CPLX2: variants seen among roughly 807,000 people sequenced by gnomAD.
CPLX2 encodes the protein complexin 2, also known as complexin-2.
CPLX2 carries 5 observed loss-of-function variants against 16.3 expected under a neutral mutation model. The ratio of observed to expected loss-of-function variants is 0.31; its 90% CI spans 0.16 to 0.64. The LOEUF (loss-of-function observed/expected upper bound fraction) is 0.64. CPLX2 is among the 30% of genes least tolerant of loss of function. The pLI is 0.79. For missense variants in CPLX2, 144 were observed against 181.4 expected, an observed-to-expected ratio of 0.79 and a Z score of 1.18; for synonymous variants, 89 against 73.2, an observed-to-expected ratio of 1.22 and a Z score of -1.10.
intron 1 of CPLX2, among the ~76,000 whole-genome samples, chr5:175,799,471 T>C (rs930905267): frequency 2.0e-5 from 3 of 150,154 alleles, no homozygotes; most frequent in Admixed American, 1.3e-4. Flanking sequence ...GAAATACCCT[T>C]CTTTGTTCTC....
intron 1 of CPLX2, among the ~76,000 whole-genome samples, chr5:175,800,059 A>G (rs1023988583): frequency 6.6e-6 from 1 of 152,188 alleles, no homozygotes; most frequent in African/African-American, 2.4e-5. Flanking sequence ...CCTAGCTCAC[A>G]GACCTCAGCT....
At chr5:175,807,777 G>A (rs12519956) in intron 1 of CPLX2, among the ~76,000 whole-genome samples, 24,336 of 152,166 alleles carry the variant, frequency 0.16, 2,307 homozygotes, top group Middle Eastern at 0.29. Context: ...CACTGGGCTC[G>A]GCCCCAAGAA....
At chr5:175,855,515 T>C (rs773792050) in intron 2 of CPLX2, among the ~76,000 whole-genome samples, 3 of 152,194 alleles carry the variant, frequency 2.0e-5, no homozygotes, top group Non-Finnish European at 2.9e-5. Context: ...AGGGTAGATC[T>C]CTGGATTTCA....
At chr5:175,829,045 G>T (rs1758676971) in intron 2 of CPLX2, among the ~76,000 whole-genome samples, 1 of 152,048 alleles carries the variant, frequency 6.6e-6, no homozygotes, top group Non-Finnish European at 1.5e-5. Flanking sequence ...CCCCATTATT[G>T]GCCCTCAATC....
chr5:175,806,789 C>G (rs1053381686), intron 1 of CPLX2, among the ~76,000 whole-genome samples: 1 of 151,990 alleles, frequency 6.6e-6, no homozygotes, highest in Non-Finnish European at 1.5e-5. Flanking sequence ...TGAGCCACTG[C>G]GACCAGCCTC....
At position 175,858,421 on chromosome 5, in the gene CPLX2, C is replaced by T. The variant is rs115963370; in HGVS notation, c.-88-20231C>T. Among the ~76,000 whole-genome samples the T allele has an allele frequency of 2.4e-3, 364 of 152,334 alleles. 1 individual carries two copies. The highest frequency in any genetic ancestry group is 8.1e-3 in the African/African-American group (337 of 41,570). ...AGAAATGTGGCTATTGGTGAATCCA[C>T]GAAGACCCTGGCAGGGAGCATGGGC... On this transcript the variant is annotated intron_variant, in intron 2 of 4. Transcript: ENST00000359546.
At chr5:175,813,787 ACAT>A in intron 2 of CPLX2, among the ~76,000 whole-genome samples, 1 of 152,270 alleles carries the variant, frequency 6.6e-6, no homozygotes, top group Non-Finnish European at 1.5e-5. Context: ...TTGGTTGATT[ACAT>A]CAAGGAGAGA....
intron 1 of CPLX2, among the ~76,000 whole-genome samples, chr5:175,875,089 T>C (rs2113710747): frequency 6.6e-6 from 1 of 152,280 alleles, no homozygotes; most frequent in Middle Eastern, 3.4e-3. Flanking sequence ...ATTACCGCAG[T>C]TTCAGGGCTC....
At chr5:175,799,557 T>TTTATATATAA (rs1758052768) in intron 1 of CPLX2, among the ~76,000 whole-genome samples, 2 of 140,602 alleles carry the variant, frequency 1.4e-5, no homozygotes, top group South Asian at 2.2e-4. Context: ...TATATATATA[T>TTTATATATAA]ATATATATAT....
In CPLX2 at chr5:175,830,960, A is replaced by G. The variant is rs774258978; in HGVS notation, c.-89+21892A>G. 1.3e-5 allele frequency among the ~76,000 whole-genome samples: 2 copies of G among 152,216 alleles called. No individual in the cohort carries two copies. Among genetic ancestry groups the G allele is most frequent in the African/African-American group, 2.4e-5 (1 of 41,462 alleles). On this transcript the variant is annotated intron_variant, in intron 2 of 4. Coordinates refer to the CPLX2 transcript ENST00000359546. The surrounding 1 kb of genome is among the most constrained non-coding windows in gnomAD (Gnocchi z 4.0). ...GTGTTCGTGCTCACACAGTTGTGTC[A>G]GTGCGATTGTGAGCATGGCTGGGGG...
intron 1 of CPLX2, among the ~76,000 whole-genome samples, chr5:175,800,180 A>G (rs1283227178): frequency 6.6e-6 from 1 of 152,050 alleles, no homozygotes; most frequent in Non-Finnish European, 1.5e-5. Context: ...TGTGATGGCC[A>G]TGATGGGTAT....
intron 2 of CPLX2, among the ~76,000 whole-genome samples, chr5:175,813,761 G>A (rs1185619689): frequency 6.6e-6 from 1 of 152,236 alleles, no homozygotes; most frequent in African/African-American, 2.4e-5. Flanking sequence ...AGCACTGGGA[G>A]AGAATGACTG....
rs975175431 is a variant in CPLX2, at chr5:175,851,276, A to G, written c.-88-27376A>G. On this transcript the variant is annotated intron_variant, in intron 2 of 4. Coordinates refer to the CPLX2 transcript ENST00000359546. ...CACCATTCATTCATTCCTCCAGTAA[A>G]CAGCTGTCAGGTCCAGTTGGGGCCA... is the stretch of plus-strand genomic sequence containing the variant. Among the ~76,000 whole-genome samples the G allele has an allele frequency of 6.6e-5, 10 of 152,164 alleles. No homozygotes were observed. In the East Asian group the frequency reaches 1.9e-3, roughly 30 times the overall value.
At chr5:175,815,585 A>G (rs1758392680) in intron 2 of CPLX2, among the ~76,000 whole-genome samples, 1 of 152,174 alleles carries the variant, frequency 6.6e-6, no homozygotes, top group Non-Finnish European at 1.5e-5. Flanking sequence ...TTTTAGTATT[A>G]TCAATTCACA....
At chr5:175,834,087 C>T (rs1453112526) in intron 2 of CPLX2, among the ~76,000 whole-genome samples, 1 of 152,210 alleles carries the variant, frequency 6.6e-6, no homozygotes, top group Non-Finnish European at 1.5e-5. Context: ...AACTGAGATG[C>T]ACAGGGAATC....
chr5:175,821,162 A>C (rs1758500951), intron 2 of CPLX2, among the ~76,000 whole-genome samples: 1 of 151,982 alleles, frequency 6.6e-6, no homozygotes, highest in African/African-American at 2.4e-5. Flanking sequence ...TCCTGAGCAA[A>C]CTGAGTCCTT....
Position 175,880,247 on chromosome 5 carries a change from AGTAGCTTG to A in CPLX2, c.*203_*210del, listed in dbSNP as rs1330850167. The A allele has an allele frequency of 1.4e-6, 1 of 703,322 alleles. No homozygotes were observed. The highest frequency in any genetic ancestry group is 2.1e-5 in the Admixed American group (1 of 47,874). 43.6% of individuals were successfully genotyped at this position (703,322 alleles called of 1,614,324 possible). A position where few individuals can be genotyped will look rare whatever the true frequency, so the allele number is the denominator to read the frequency against. ...GGTATCCACCTGCACCCCACTCCCA[AGTAGCTTG>A]AAAAAGGGAGGACAGTCTTTCCCCA... On this transcript the variant is annotated 3_prime_UTR_variant, in exon 4 of 4. Transcript: ENST00000393745.
At chr5:175,856,977 T>C (rs919515800) in intron 2 of CPLX2, among the ~76,000 whole-genome samples, 2 of 152,188 alleles carry the variant, frequency 1.3e-5, no homozygotes, top group Admixed American at 1.3e-4. Flanking sequence ...AGCTGACAAA[T>C]GCAGTCAGAG....
At chr5:175,815,428 C>G (rs954305910) in intron 2 of CPLX2, among the ~76,000 whole-genome samples, 1 of 152,124 alleles carries the variant, frequency 6.6e-6, no homozygotes, top group Non-Finnish European at 1.5e-5. Context: ...GCTTAGCTAG[C>G]AGGACAGCCG....
Sources: gnomAD v4.1 joint callset for allele counts (sites outside exome capture counted in the v4.1 genomes callset) on GRCh38, gnomAD v4.1.1 for gene constraint, Gnocchi (gnomAD v3.1) non-coding constraint, MANE v1.5 for transcripts, NCBI Gene and HGNC (gene_info 2026-07-23, HGNC 2026-07-21) for gene names.